Variants in SLC26A7 observed in about 807,000 individuals in gnomAD.
The protein encoded by SLC26A7 is solute carrier family 26 member 7, also known as anion exchange transporter.
In SLC26A7, 59 loss-of-function variants were observed where a neutral mutation model predicts 82.5. That is an observed-to-expected ratio of 0.72 (90% CI 0.58 to 0.89). The LOEUF (loss-of-function observed/expected upper bound fraction) is 0.89, where lower values mean the gene tolerates loss of function less well. Among genes scored for constraint, SLC26A7 ranks in the 40% least tolerant of loss-of-function variants. The probability of loss-of-function intolerance (pLI) is 0.00; values close to 1 mark genes in which losing one functional copy is unlikely to be tolerated. For missense variants in SLC26A7, 820 were observed against 793.0 expected (o/e 1.03, Z -0.41); for synonymous variants, 271 against 274.3 (o/e 0.99, Z 0.12).
chr8:91,355,086 A>G (rs572244940), intron 11 of SLC26A7, among the ~76,000 whole-genome samples: 29 of 152,246 alleles, frequency 1.9e-4, no homozygotes, highest in Admixed American at 2.0e-4. Context: ...GCTTTCTCTC[A>G]GGTCTTTTTA....
intron 4 of SLC26A7, among the ~76,000 whole-genome samples, chr8:91,313,410 T>C (rs151185827): frequency 5.3e-5 from 8 of 152,302 alleles, no homozygotes; most frequent in African/African-American, 1.9e-4. Context: ...AATCAGGAAG[T>C]ATGAATCCTT....
At chr8:91,279,163 A>ATG (rs1811497718) in intron 2 of SLC26A7, among the ~76,000 whole-genome samples, 1 of 102,516 alleles carries the variant, frequency 9.8e-6, no homozygotes, top group African/African-American at 4.0e-5. Flanking sequence ...ATATATATAT[A>ATG]TATGTATCAC....
At position 91,396,324 on chromosome 8, in the gene SLC26A7, C is replaced by T. The variant is rs941836361; in HGVS notation, c.*1227C>T. On this transcript the variant is annotated 3_prime_UTR_variant, in exon 19 of 19. Coordinates refer to ENST00000276609, the MANE Select transcript of SLC26A7 (RefSeq NM_052832.4). ...CTTAAGCTTTTAACAGCATTTTAAC[C>T]GCTCTAAAAATTACCAGAGTAAGAA... The T allele has an allele frequency of 2.6e-5, 4 of 151,970 alleles. No individual in the cohort carries two copies. The highest frequency in any genetic ancestry group is 3.9e-4 in the East Asian group (2 of 5,172). 9.4% of individuals were successfully genotyped at this position (151,970 alleles called of 1,614,324 possible).
At position 91,393,868 on chromosome 8, in the gene SLC26A7, G is replaced by T. The variant is rs184364970; in HGVS notation, c.1831+17G>T. ...ATTGTACAGGTAAGAGAATGTCCCT[G>T]ACTAACGTTGAATGTGATTTTTCTG... On this transcript the variant is annotated intron_variant, in intron 17 of 18. Transcript: ENST00000276609. The T allele has an allele frequency of 9.7e-5, 157 of 1,613,508 alleles. No individual in the cohort carries two copies. In the East Asian group the frequency reaches 2.7e-3, roughly 28 times the overall value.
intron 17 of SLC26A7, 21 bp downstream of exon 17, chr8:91,393,872 A>C (rs771200998): frequency 6.2e-7 from 1 of 1,613,394 alleles, no homozygotes; most frequent in East Asian, 2.2e-5. Flanking sequence ...GTCCCTGACT[A>C]ACGTTGAATG....
At chr8:91,248,184 T>C (rs1009278463), upstream of SLC26A7, among the ~76,000 whole-genome samples, 7 of 152,084 alleles carry the variant, frequency 4.6e-5, no homozygotes, top group African/African-American at 1.7e-4. Context: ...GTAAAAACAG[T>C]TGGACAAACA....
intron 2 of SLC26A7, among the ~76,000 whole-genome samples, chr8:91,275,508 C>T (rs1210503374): frequency 6.6e-6 from 1 of 152,084 alleles, no homozygotes; most frequent in Non-Finnish European, 1.5e-5. Context: ...TTGTATTTCT[C>T]AGGCTGGTCT....
At chr8:91,278,233 A>C (rs1489362598) in intron 2 of SLC26A7, among the ~76,000 whole-genome samples, 2 of 151,936 alleles carry the variant, frequency 1.3e-5, no homozygotes, top group East Asian at 1.9e-4. Context: ...GGCTCCAGAA[A>C]AAAAAAAGGA....
chr8:91,253,824 G>A (rs962599130), intron 2 of SLC26A7, among the ~76,000 whole-genome samples: 1 of 152,044 alleles, frequency 6.6e-6, no homozygotes, highest in African/African-American at 2.4e-5. Context: ...ACAAGACAAT[G>A]TCTTAATCTA....
chr8:91,321,407 G>A (rs2130812570), intron 5 of SLC26A7, among the ~76,000 whole-genome samples: 1 of 152,324 alleles, frequency 6.6e-6, no homozygotes, highest in African/African-American at 2.4e-5. Flanking sequence ...CGAAGCTCAG[G>A]TGGTTGGGCC....
In SLC26A7 at chr8:91,361,051, A is replaced by G. The variant is rs946527395; in HGVS notation, c.1315-1302A>G. ...TAATAACCTAGCATTACATTTGTAG[A>G]TGATGGATCTTAACATGAGATTCAT... On this transcript the variant is annotated intron_variant, in intron 11 of 18. Coordinates refer to ENST00000276609, the MANE Select transcript of SLC26A7 (RefSeq NM_052832.4). Among the ~76,000 whole-genome samples, 39 of 152,190 alleles carry G rather than the reference A, an allele frequency of 2.6e-4. 1 individual carries two copies. The highest frequency in any genetic ancestry group is 1.9e-3 in the Admixed American group (29 of 15,270).
chr8:91,367,289 T>A (rs541953199), intron 14 of SLC26A7, among the ~76,000 whole-genome samples: 2 of 152,174 alleles, frequency 1.3e-5, no homozygotes, highest in African/African-American at 4.8e-5. Context: ...ATTACAGGCG[T>A]GAGCCACTGC....
chr8:91,291,720 C>A (rs1170940691), intron 3 of SLC26A7, among the ~76,000 whole-genome samples: 1 of 152,132 alleles, frequency 6.6e-6, no homozygotes, highest in East Asian at 1.9e-4. Context: ...TTGAAATTAC[C>A]ATTTACATAA....
chr8:91,380,518 A>C (rs1260229752), intron 15 of SLC26A7, among the ~76,000 whole-genome samples: 1 of 152,164 alleles, frequency 6.6e-6, no homozygotes, highest in Admixed American at 6.5e-5. Context: ...CTGAATTTAT[A>C]TGCTACTAAT....
chr8:91,272,105 T>C (rs1262859387), intron 2 of SLC26A7, among the ~76,000 whole-genome samples: 1 of 152,224 alleles, frequency 6.6e-6, no homozygotes, highest in Admixed American at 6.5e-5. Context: ...TTTGATTCTA[T>C]GTCTCATTCA....
At chr8:91,351,743 A>C in intron 9 of SLC26A7, 67 bp from the exon 10 acceptor site, 1 of 1,017,714 alleles carries the variant, frequency 9.8e-7, no homozygotes, top group Non-Finnish European at 1.5e-6. Flanking sequence ...CCCCCACCCC[A>C]TAACTTTGAC....
intron 5 of SLC26A7, among the ~76,000 whole-genome samples, chr8:91,329,172 A>G (rs1412201811): frequency 1.3e-5 from 2 of 152,282 alleles, no homozygotes; most frequent in Middle Eastern, 3.4e-3. Context: ...TTTATACCAG[A>G]AATTAGAAAT....
chr8:91,315,808 G>C (rs768083542), intron 4 of SLC26A7, among the ~76,000 whole-genome samples: 1 of 152,114 alleles, frequency 6.6e-6, no homozygotes, highest in Non-Finnish European at 1.5e-5. Context: ...AGGTAAATAT[G>C]TGTGACACCC....
chr8:91,353,122 C>T, intron 11 of SLC26A7, 126 bp downstream of exon 11: 1 of 513,722 alleles, frequency 1.9e-6, no homozygotes, highest in South Asian at 4.6e-5. Context: ...TTACAAACTA[C>T]CATTTTTTTT....
Sources: gnomAD v4.1 joint callset for allele counts (sites outside exome capture counted in the v4.1 genomes callset) on GRCh38, gnomAD v4.1.1 for gene constraint, MANE v1.5 for transcripts, NCBI Gene and HGNC (gene_info 2026-07-23, HGNC 2026-07-21) for gene names.